The following STX3 variants were observed in gnomAD, a reference collection of about 807,000 sequenced individuals.
STX3 encodes the protein syntaxin-3.
A neutral mutation model predicts 40.2 loss-of-function variants in STX3; 19 were observed. The ratio of observed to expected loss-of-function variants is 0.47; its 90% CI spans 0.33 to 0.69. The LOEUF (loss-of-function observed/expected upper bound fraction) is 0.69, where lower values mean the gene tolerates loss of function less well. STX3 is among the 30% of genes least tolerant of loss of function. STX3 has a pLI of 0.02. For missense variants in STX3, 364 were observed against 366.7 expected (o/e 0.99, Z 0.06); for synonymous variants, 122 against 132.2 (o/e 0.92, Z 0.53).
At chr11:59,799,596 G>C in intron 10 of STX3, 2 of 947,924 alleles carry the variant, frequency 2.1e-6, no homozygotes, top group Non-Finnish European at 2.5e-6. Flanking sequence ...TGAAATAACA[G>C]GTATAAACAT....
chr11:59,788,846 G>T (rs374841861), intron 3 of STX3, 27 bp from the exon 4 acceptor site: 1 of 1,602,268 alleles, frequency 6.2e-7, no homozygotes, highest in Admixed American at 1.7e-5. Flanking sequence ...CCTTTCTAAC[G>T]GATTCTGCCT....
intron 2 of STX3, among the ~76,000 whole-genome samples, chr11:59,773,845 C>G (rs1409300270): frequency 6.6e-6 from 1 of 152,038 alleles, no homozygotes; most frequent in Non-Finnish European, 1.5e-5. Flanking sequence ...CCAGGCACAC[C>G]TGTAATCCCA....
intron 3 of STX3, among the ~76,000 whole-genome samples, chr11:59,788,223 AC>A (rs1565183578): frequency 6.6e-6 from 1 of 152,074 alleles, no homozygotes; most frequent in Admixed American, 6.5e-5. Flanking sequence ...GCACACCTTG[AC>A]CAGAACTCAT....
intron 10 of STX3, among the ~76,000 whole-genome samples, chr11:59,799,327 CAT>C (rs1865736073): frequency 8.1e-6 from 1 of 122,902 alleles, no homozygotes; most frequent in Non-Finnish European, 1.7e-5. Flanking sequence ...CATACTCAGA[CAT>C]AGTTTTACAT....
intron 1 of STX3, among the ~76,000 whole-genome samples, chr11:59,772,912 A>C (rs375928970): frequency 5.3e-5 from 8 of 151,890 alleles, no homozygotes; most frequent in African/African-American, 1.7e-4. Context: ...AAGGAAACCT[A>C]GGCACAGCAA....
At position 59,790,523 on chromosome 11, in the gene STX3, G is replaced by A; in HGVS notation, c.294G>A (p.Met98Ile). 6.2e-7 allele frequency: 1 copy of A among 1,613,458 alleles called. No homozygotes were observed. Among genetic ancestry groups the A allele is most frequent in the Non-Finnish European group, 8.5e-7 (1 of 1,179,366 alleles). ...ANNVRNKLKSMEKHIEEDEVR... is the reference protein window; with the variant it reads ...ANNVRNKLKSIEKHIEEDEVR... ...TAACCTTCCTCTCCTCTTTAGGCAT[G>A]GAGAAGCATATTGAAGAAGATGAGG... The change falls in exon 5 of 11, where the codon ATG becomes ATA. Residue 98 changes from methionine (M) to isoleucine (I), a missense_variant. By Grantham distance (10) the Met-to-Ile change is conservative. Coordinates refer to ENST00000337979, the MANE Select transcript of STX3 (RefSeq NM_004177.5).
Position 59,802,715 on chromosome 11 carries a change from G to A in STX3, c.*1891G>A. The A allele has an allele frequency of 1.0e-6, 1 of 985,828 alleles. No homozygotes were observed. The highest frequency in any genetic ancestry group is 1.7e-5 in the African/African-American group (1 of 57,328). 61.1% of individuals were successfully genotyped at this position (985,828 alleles called of 1,614,324 possible). On this transcript the variant is annotated 3_prime_UTR_variant, in exon 11 of 11. Coordinates refer to ENST00000337979, the MANE Select transcript of STX3 (RefSeq NM_004177.5). ...TTGTATTGATTGTGAAACGGTTCTG[G>A]CTCTGTCTCGATGCAGAAACACAAT...
chr11:59,763,053 C>T (rs1863117411), intron 1 of STX3, among the ~76,000 whole-genome samples: 1 of 152,196 alleles, frequency 6.6e-6, no homozygotes, highest in Admixed American at 6.5e-5. Flanking sequence ...GCACTGTCCT[C>T]ACGTGTCATG....
At chr11:59,799,264 CAT>C (rs1249148390) in intron 10 of STX3, among the ~76,000 whole-genome samples, 8 of 152,052 alleles carry the variant, frequency 5.3e-5, no homozygotes, top group African/African-American at 1.9e-4. Context: ...ATACAGAAAA[CAT>C]AAAACTAATG....
chr11:59,797,554 A>G (rs1476817333), intron 10 of STX3, among the ~76,000 whole-genome samples, 158 bp downstream of exon 10: 2 of 152,066 alleles, frequency 1.3e-5, no homozygotes, highest in Non-Finnish European at 1.5e-5. Flanking sequence ...ATCTCCTTAT[A>G]GTTCTATTGG....
At chr11:59,784,233 C>G (rs973175281) in intron 2 of STX3, among the ~76,000 whole-genome samples, 3 of 152,204 alleles carry the variant, frequency 2.0e-5, no homozygotes, top group African/African-American at 4.8e-5. Context: ...TCTGTGACAA[C>G]CAATCTGTTG....
chr11:59,758,616 C>T (rs1363354562), intron 1 of STX3, among the ~76,000 whole-genome samples: 1 of 152,236 alleles, frequency 6.6e-6, no homozygotes, highest in African/African-American at 2.4e-5. Context: ...GGTCTCATCT[C>T]ATCTCTTCTC....
At chr11:59,781,100 T>TTTTTTTTTTTTTTTTTTTTATA (rs963410109) in intron 2 of STX3, among the ~76,000 whole-genome samples, 6 of 146,358 alleles carry the variant, frequency 4.1e-5, no homozygotes, top group Admixed American at 2.0e-4. Context: ...TTTTTTTTTT[T>TTTTTTTTTTTTTTTTTTTTATA]TATATTAGCA....
In STX3 at chr11:59,788,898, C is replaced by A; in HGVS notation, c.240C>A (p.Leu80=). The change falls in exon 4 of 11, where the codon CTC becomes CTA. Residue 80 remains leucine (L), a synonymous_variant. Coordinates refer to ENST00000337979, the MANE Select transcript of STX3 (RefSeq NM_004177.5). ...EPKTKDDLEQ[L]TTEIKKRANN... ...AAACCAAGGATGACCTAGAGCAGCT[C>A]ACGACTGAGATTAAGAAAAGGGCCA... The A allele has an allele frequency of 6.2e-7, 1 of 1,612,536 alleles. No homozygotes were observed. The highest frequency in any genetic ancestry group is 1.1e-5 in the South Asian group (1 of 90,764).
At position 59,803,317 on chromosome 11, in the gene STX3, G is replaced by A; in HGVS notation, c.*2493G>A. 1 of 1,229,004 alleles carries A rather than the reference G, an allele frequency of 8.1e-7. No individual in the cohort carries two copies. The allele number at this position is 1,229,004 out of a possible 1,614,324, so 76.1% of individuals were successfully genotyped here. A position where few individuals can be genotyped will look rare whatever the true frequency, so the allele number is the denominator to read the frequency against. ...CTGAAAAAGGTGAGCCATCTGTGGG[G>A]AGGGTCAGACCTTCTTTCACTGACT... is the stretch of plus-strand genomic sequence containing the variant. On this transcript the variant is annotated 3_prime_UTR_variant, in exon 11 of 11. Transcript: ENST00000337979.
At chr11:59,756,117 C>T (rs1862703215) in intron 1 of STX3, among the ~76,000 whole-genome samples, 3 of 152,240 alleles carry the variant, frequency 2.0e-5, no homozygotes, top group African/African-American at 7.2e-5. Flanking sequence ...GATGGGTCAG[C>T]TCCTCTCCAA....
intron 2 of STX3, among the ~76,000 whole-genome samples, chr11:59,785,217 A>G (rs191845913): frequency 1.3e-5 from 2 of 152,250 alleles, no homozygotes; most frequent in South Asian, 4.1e-4. Context: ...AAACTCTGGC[A>G]CATCTAAGCC....
chr11:59,786,364 C>T lies in STX3; in HGVS notation c.115-673C>T, dbSNP rs546811439. On this transcript the variant is annotated intron_variant, in intron 2 of 10. Transcript: ENST00000337979. The stretch of plus-strand genomic sequence containing the variant: ...ACGCCATTCTCCTGCCTCAGCCTCC[C>T]GAGTAGCTGGTACTACAGGCGCCCA... Among the ~76,000 whole-genome samples the T allele has an allele frequency of 1.1e-4, 17 of 150,902 alleles. No homozygotes were observed. In the South Asian group the frequency reaches 3.2e-3, roughly 28 times the overall value.
At chr11:59,798,075 T>C (rs1865627542) in intron 10 of STX3, among the ~76,000 whole-genome samples, 1 of 152,250 alleles carries the variant, frequency 6.6e-6, no homozygotes, top group Non-Finnish European at 1.5e-5. Flanking sequence ...ACCTAGCTTC[T>C]CTTTGTAAAA....
Sources: allele counts gnomAD v4.1 joint callset (sites outside exome capture counted in the v4.1 genomes callset), GRCh38; gene constraint gnomAD v4.1.1; transcripts MANE v1.5; gene names NCBI Gene and HGNC (gene_info 2026-07-23, HGNC 2026-07-21).